KALRN: variants seen among roughly 807,000 people sequenced by gnomAD.
The protein encoded by KALRN is kalirin.
A neutral mutation model predicts 353.7 loss-of-function variants in KALRN; 70 were observed. That is an observed-to-expected ratio of 0.20 (90% CI 0.16 to 0.24). The LOEUF is 0.24. Ranked by LOEUF, KALRN falls within the 10% of genes least tolerant of loss-of-function variation. The pLI is 1.00. For synonymous variants in KALRN, 1,391 were observed against 1,434.8 expected (o/e 0.97, Z 0.69); for missense variants, 2,791 against 3,756.7 (o/e 0.74, Z 6.72).
intron 25 of KALRN, among the ~76,000 whole-genome samples, chr3:124,468,969 C>T (rs779015066): frequency 4.6e-5 from 7 of 152,328 alleles, no homozygotes; most frequent in Admixed American, 6.5e-5. Flanking sequence ...CTAAACACTT[C>T]GTTTGGATGT....
intron 1 of KALRN, among the ~76,000 whole-genome samples, chr3:124,131,850 TAATTA>T (rs1359737708): frequency 6.6e-6 from 1 of 152,164 alleles, no homozygotes; most frequent in Non-Finnish European, 1.5e-5. Context: ...TTCCACCAAA[TAATTA>T]TGTGACACAA....
At chr3:124,587,042 G>A (rs1186483519) in intron 34 of KALRN, among the ~76,000 whole-genome samples, 1 of 152,176 alleles carries the variant, frequency 6.6e-6, no homozygotes, top group Non-Finnish European at 1.5e-5. Context: ...CAGAGTCCGT[G>A]GACTCTTTGG....
At chr3:124,592,443 C>T (rs2149371263) in intron 34 of KALRN, among the ~76,000 whole-genome samples, 1 of 150,954 alleles carries the variant, frequency 6.6e-6, no homozygotes, top group East Asian at 1.9e-4. Flanking sequence ...GGATGCTGAG[C>T]ATCTACATTA....
At chr3:124,305,261 G>A (rs1234468959) in intron 6 of KALRN, among the ~76,000 whole-genome samples, 6 of 152,298 alleles carry the variant, frequency 3.9e-5, no homozygotes, top group Admixed American at 3.3e-4. Flanking sequence ...TCTTAGGGAG[G>A]TTCTGGTGAA....
chr3:124,642,806 G>GTTTTTTTTTTGTTGGTGTTTTTTT (rs1553707031), intron 37 of KALRN, among the ~76,000 whole-genome samples: 1 of 96,840 alleles, frequency 1.0e-5, no homozygotes, highest in Non-Finnish European at 1.9e-5. Flanking sequence ...CCCAAGCCTC[G>GTTTTTTTTTTGTTGGTGTTTTTTT]TTTTTTTTTT....
In KALRN at chr3:124,334,038, G is replaced by A. The variant is rs1487740268; in HGVS notation, c.1417-227G>A. ...AGGGGAGAGAGTCTCACAGACAACTGGCCAGCACTCCAGCAACTCCCACAT... is the reference window on the plus strand; with the variant it reads ...AGGGGAGAGAGTCTCACAGACAACTAGCCAGCACTCCAGCAACTCCCACAT... On this transcript the variant is annotated intron_variant, in intron 8 of 59. Coordinates refer to ENST00000682506, the MANE Select transcript of KALRN (RefSeq NM_001388419.1). This position sits in a 1 kb window ranked among gnomAD's most constrained non-coding sequence, Gnocchi z 4.2. Among the ~76,000 whole-genome samples, 1 of 152,196 alleles carries A rather than the reference G, an allele frequency of 6.6e-6. No homozygotes were observed. The highest frequency in any genetic ancestry group is 1.5e-5 in the Non-Finnish European group (1 of 68,032).
chr3:124,400,135 A>G (rs1231655266), intron 13 of KALRN, among the ~76,000 whole-genome samples: 1 of 150,554 alleles, frequency 6.6e-6, no homozygotes, highest in Non-Finnish European at 1.5e-5. Flanking sequence ...TTTAGAAGGA[A>G]TTTTTTTTTT....
chr3:124,286,608 A>G (rs1041051674), intron 5 of KALRN, among the ~76,000 whole-genome samples: 5 of 152,144 alleles, frequency 3.3e-5, no homozygotes, highest in African/African-American at 1.2e-4. Context: ...TTGCTGCTGC[A>G]TCTATTCTGC....
rs576461636 is a variant in KALRN, at chr3:124,070,634, C to G, written c.73+36821C>G. ...GTGTTTGCTACCCAGCTAGACAGAC[C>G]GTTAAGCTCCTGGAGGAAAGCTGGG... On this transcript the variant is annotated intron_variant, in intron 1 of 59. Coordinates refer to ENST00000682506, the MANE Select transcript of KALRN (RefSeq NM_001388419.1). 9.2e-5 allele frequency among the ~76,000 whole-genome samples: 14 copies of G among 152,322 alleles called. 1 individual carries two copies. The highest frequency in any genetic ancestry group is 1.5e-5 in the Non-Finnish European group (1 of 68,028).
At chr3:124,426,224 C>T (rs748145713) in intron 15 of KALRN, among the ~76,000 whole-genome samples, 2 of 151,972 alleles carry the variant, frequency 1.3e-5, no homozygotes, top group African/African-American at 4.8e-5. Flanking sequence ...ATTGGTGGAG[C>T]GGGAAATACT....
chr3:124,627,127 T>C (rs1403673104), intron 34 of KALRN, among the ~76,000 whole-genome samples: 1 of 152,244 alleles, frequency 6.6e-6, no homozygotes, highest in African/African-American at 2.4e-5. Context: ...CCAATCCCTC[T>C]GAAGAAGCGA....
intron 5 of KALRN, among the ~76,000 whole-genome samples, chr3:124,277,518 C>CT (rs1439768340): frequency 1.4e-4 from 22 of 152,200 alleles, no homozygotes; most frequent in Non-Finnish European, 7.3e-5. Context: ...ACATTAGAAA[C>CT]ATTAGATTCC....
At chr3:124,251,661 G>T (rs2071195415) in intron 3 of KALRN, among the ~76,000 whole-genome samples, 1 of 152,198 alleles carries the variant, frequency 6.6e-6, no homozygotes, top group Non-Finnish European at 1.5e-5. Flanking sequence ...GTGAGCCACT[G>T]TCTTTGTTCT....
chr3:124,378,443 A>G (rs1315519179), intron 10 of KALRN, among the ~76,000 whole-genome samples: 1 of 152,134 alleles, frequency 6.6e-6, no homozygotes, highest in Non-Finnish European at 1.5e-5. Context: ...AATAGATTCA[A>G]ATAATAAGAG....
intron 34 of KALRN, among the ~76,000 whole-genome samples, chr3:124,585,218 G>C (rs541810646): frequency 6.6e-6 from 1 of 152,366 alleles, no homozygotes; most frequent in Admixed American, 6.5e-5. Context: ...ATGCGGACGC[G>C]GGGGTGGGAA....
At chr3:124,605,732 C>A (rs570162293) in intron 34 of KALRN, among the ~76,000 whole-genome samples, 1 of 152,214 alleles carries the variant, frequency 6.6e-6, no homozygotes, top group Admixed American at 6.5e-5. Flanking sequence ...GATTATAGAG[C>A]TTTAGTACTG....
Position 124,147,522 on chromosome 3 carries a change from A to G in KALRN, c.74-80468A>G, listed in dbSNP as rs534085895. Among the ~76,000 whole-genome samples, 3 of 152,334 alleles carry G rather than the reference A, an allele frequency of 2.0e-5. No homozygotes were observed. The East Asian group carries it at 5.8e-4, about 29-fold the overall frequency. ...GCTTGTGTTAGTGGCATCTCCATCC[A>G]TTAGAAAAAAATTATTTTGAAATAA... On this transcript the variant is annotated intron_variant, in intron 1 of 59. Transcript: ENST00000682506.
chr3:124,439,224 A>C (rs2093594595), intron 18 of KALRN, among the ~76,000 whole-genome samples, 187 bp downstream of exon 18: 1 of 150,992 alleles, frequency 6.6e-6, no homozygotes, highest in Admixed American at 6.6e-5. Flanking sequence ...ACACACACAC[A>C]CACACACACA....
intron 1 of KALRN, among the ~76,000 whole-genome samples, chr3:124,104,739 C>A (rs889123824): frequency 1.1e-4 from 16 of 152,146 alleles, no homozygotes; most frequent in Admixed American, 9.2e-4. Context: ...GTGCAATTAC[C>A]TAGGCTTGCA....
Sources: gnomAD v4.1 joint callset for allele counts (sites outside exome capture counted in the v4.1 genomes callset) on GRCh38, gnomAD v4.1.1 for gene constraint, Gnocchi (gnomAD v3.1) non-coding constraint, MANE v1.5 for transcripts, NCBI Gene and HGNC (gene_info 2026-07-23, HGNC 2026-07-21) for gene names.